Variants in NAA11 observed in about 807,000 individuals in gnomAD.
The protein encoded by NAA11 is N-alpha-acetyltransferase 11, NatA catalytic subunit.
A neutral mutation model predicts 16.1 loss-of-function variants in NAA11; 15 were observed. The observed-to-expected ratio is 0.93, with a 90% CI of 0.62 to 1.44. NAA11 has a LOEUF of 1.44. Ranked by LOEUF, NAA11 falls within the 40% of genes most tolerant of loss-of-function variation. The probability of loss-of-function intolerance (pLI) is 0.00; values close to 1 mark genes in which losing one functional copy is unlikely to be tolerated. For synonymous variants in NAA11, 122 were observed against 112.4 expected (o/e 1.09, Z -0.54); for missense variants, 298 against 291.3 (o/e 1.02, Z -0.17).
the NAA11 span, among the ~76,000 whole-genome samples, chr4:79,190,910 A>G: frequency 6.6e-6 from 1 of 152,144 alleles, no homozygotes; most frequent in African/African-American, 2.4e-5. Flanking sequence ...CTTGTAAGTG[A>G]GAACATGCGG....
chr4:79,289,052 G>A (rs1723017675), intron 2 of NAA11, among the ~76,000 whole-genome samples: 1 of 152,152 alleles, frequency 6.6e-6, no homozygotes, highest in Non-Finnish European at 1.5e-5. Flanking sequence ...ACATACAAAT[G>A]GTTTTTAATT....
At chr4:79,195,053 C>T in the NAA11 span, among the ~76,000 whole-genome samples, 3 of 152,060 alleles carry the variant, frequency 2.0e-5, no homozygotes, top group Non-Finnish European at 2.9e-5. Context: ...CCTATCTAAT[C>T]TAAATACTTC....
intron 2 of NAA11, among the ~76,000 whole-genome samples, chr4:79,236,294 C>G (rs1278403777): frequency 2.0e-5 from 3 of 151,924 alleles, no homozygotes; most frequent in Admixed American, 2.0e-4. Flanking sequence ...AATTTCACAT[C>G]TTTTTGTTTT....
At chr4:79,183,690 C>T in the NAA11 span, among the ~76,000 whole-genome samples, 1 of 151,586 alleles carries the variant, frequency 6.6e-6, no homozygotes, top group African/African-American at 2.4e-5. Flanking sequence ...TTCTGCCTGT[C>T]ATCTTTTTCT....
chr4:79,255,768 C>G (rs1722094290), intron 2 of NAA11, among the ~76,000 whole-genome samples: 1 of 152,236 alleles, frequency 6.6e-6, no homozygotes, highest in South Asian at 2.1e-4. Flanking sequence ...GACGTTGTTA[C>G]AGCTCCATGG....
chr4:79,278,672 A>G (rs1202695929), intron 2 of NAA11, among the ~76,000 whole-genome samples: 3 of 152,100 alleles, frequency 2.0e-5, no homozygotes, highest in African/African-American at 7.2e-5. Flanking sequence ...CAAACATATC[A>G]TATTACATTA....
chr4:79,292,386 A>G (rs1723107250), intron 2 of NAA11, among the ~76,000 whole-genome samples: 1 of 152,204 alleles, frequency 6.6e-6, no homozygotes, highest in African/African-American at 2.4e-5. Flanking sequence ...CTGATTTTTG[A>G]CCTGGATTTG....
At chr4:79,237,198 C>T (rs1185207291) in intron 2 of NAA11, among the ~76,000 whole-genome samples, 2 of 152,116 alleles carry the variant, frequency 1.3e-5, no homozygotes, top group Non-Finnish European at 2.9e-5. Flanking sequence ...AACATCTGAT[C>T]AGCTATAGAG....
the NAA11 span, among the ~76,000 whole-genome samples, chr4:79,177,197 G>GA: frequency 3.3e-5 from 5 of 151,334 alleles, no homozygotes; most frequent in African/African-American, 7.3e-5. Flanking sequence ...TCTATAAATA[G>GA]AAAAAAAATT....
At chr4:79,262,522 G>A (rs187005031) in intron 2 of NAA11, among the ~76,000 whole-genome samples, 3 of 152,132 alleles carry the variant, frequency 2.0e-5, no homozygotes, top group Non-Finnish European at 4.4e-5. Flanking sequence ...GGGGAATAGG[G>A]AAATTTGTGA....
chr4:79,323,583 G>A (rs1311442281), intron 1 of NAA11, among the ~76,000 whole-genome samples: 2 of 152,146 alleles, frequency 1.3e-5, no homozygotes, highest in African/African-American at 4.8e-5. Flanking sequence ...CACTTTGGGA[G>A]GCCGAGGCGG....
At chr4:79,267,316 G>C in intron 2 of NAA11, among the ~76,000 whole-genome samples, 1 of 152,176 alleles carries the variant, frequency 6.6e-6, no homozygotes, top group East Asian at 1.9e-4. Context: ...TGAATTTTCA[G>C]AGAGTGAAGA....
rs752166296 is a variant in NAA11, at chr4:79,325,665, A to T, written c.213T>A (p.His71Gln). ...AACGCTTCACGGCCAGTGAGGTGATATGGCCATGCGGGACATCATCTGGTT... is the reference window on the plus strand; with the variant it reads ...AACGCTTCACGGCCAGTGAGGTGATTTGGCCATGCGGGACATCATCTGGTT... ...EEEPDDVPHG[H>Q]ITSLAVKRSH... Residue 71 changes from histidine to glutamine, a missense_variant, in exon 1 of 2, where the codon CAT becomes CAA. Physicochemically the swap from His to Gln is conservative, Grantham distance 24. Coordinates refer to ENST00000286794, the MANE Select transcript of NAA11 (RefSeq NM_032693.3). The T allele has an allele frequency of 1.3e-5, 21 of 1,614,080 alleles. No individual in the cohort carries two copies. The highest frequency in any genetic ancestry group is 3.3e-4 in the Middle Eastern group (2 of 6,062).
intron 1 of NAA11, among the ~76,000 whole-genome samples, chr4:79,310,206 A>T (rs1220341795): frequency 6.6e-6 from 1 of 152,222 alleles, no homozygotes; most frequent in Non-Finnish European, 1.5e-5. Flanking sequence ...ATGATCACTC[A>T]GTCATCTTTC....
intron 1 of NAA11, chr4:79,308,274 C>T (rs1476423160): frequency 6.6e-6 from 1 of 152,122 alleles, no homozygotes; most frequent in African/African-American, 2.4e-5. Flanking sequence ...TATTTGCAGG[C>T]TGTAAATTTC....
chr4:79,220,025 A>C, the NAA11 span, among the ~76,000 whole-genome samples: 1 of 152,230 alleles, frequency 6.6e-6, no homozygotes, highest in Non-Finnish European at 1.5e-5. Context: ...GTGCGAAGTC[A>C]GCCATTGTCC....
the NAA11 span, among the ~76,000 whole-genome samples, chr4:79,212,829 G>A: frequency 6.6e-6 from 1 of 151,808 alleles, no homozygotes; most frequent in Non-Finnish European, 1.5e-5. Context: ...AAAGGGTTCA[G>A]TACTCTTCAC....
In NAA11 at chr4:79,325,880, T is replaced by C. The variant is rs1724263957; in HGVS notation, c.-3A>G. On this transcript the variant is annotated 5_prime_UTR_variant, in exon 1 of 2. Transcript: ENST00000286794. ...GGCTGAGCGTTGCGGATGTTCATAA[T>C]GGCAGAGGGTAGGGAACCGGTTGGA... 1 of 1,602,412 alleles carries C rather than the reference T, an allele frequency of 6.2e-7. No individual in the cohort carries two copies. Among genetic ancestry groups the C allele is most frequent in the Non-Finnish European group, 8.5e-7 (1 of 1,173,340 alleles).
chr4:79,287,142 C>T (rs1021783721), intron 2 of NAA11, among the ~76,000 whole-genome samples: 1 of 152,056 alleles, frequency 6.6e-6, no homozygotes, highest in Non-Finnish European at 1.5e-5. Flanking sequence ...TATTTATAAC[C>T]TCAAACTCAC....
Sources: allele counts gnomAD v4.1 joint callset (sites outside exome capture counted in the v4.1 genomes callset), GRCh38; gene constraint gnomAD v4.1.1; transcripts MANE v1.5; gene names NCBI Gene and HGNC (gene_info 2026-07-23, HGNC 2026-07-21).